Variants in MARF1 observed in about 807,000 individuals in gnomAD.
MARF1 encodes the protein limkain-b1.
A neutral mutation model predicts 168.2 loss-of-function variants in MARF1; 24 were observed. The ratio of observed to expected loss-of-function variants is 0.14; its 90% CI spans 0.10 to 0.20. MARF1 has a LOEUF of 0.20. Ranked by LOEUF, MARF1 falls within the 10% of genes least tolerant of loss-of-function variation. The probability of loss-of-function intolerance (pLI) is 1.00; values close to 1 mark genes in which losing one functional copy is unlikely to be tolerated. For synonymous variants in MARF1, 868 were observed against 822.4 expected (o/e 1.06, Z -0.95); for missense variants, 1,744 against 2,143.6 (o/e 0.81, Z 3.68).
At chr16:15,602,758 G>A (rs1466806987) in intron 22 of MARF1, 3 of 408,680 alleles carry the variant, frequency 7.3e-6, no homozygotes, top group Admixed American at 6.3e-5. Flanking sequence ...GAGACAGTGT[G>A]TGAGTAGGGA....
intron 18 of MARF1, 106 bp from the exon 19 acceptor site, chr16:15,611,214 T>C: frequency 9.1e-7 from 1 of 1,094,142 alleles, no homozygotes; most frequent in Non-Finnish European, 1.3e-6. Flanking sequence ...ATCCCAGCAC[T>C]TTGGGAGGCC....
intron 12 of MARF1, 131 bp from the exon 13 acceptor site, chr16:15,620,662 T>G (rs1203995706): frequency 3.4e-6 from 2 of 596,344 alleles, no homozygotes; most frequent in Non-Finnish European, 2.9e-6. Context: ...TCAGAATGTA[T>G]TTTCCAGAAA....
chr16:15,627,764 T>C (rs761660148), intron 7 of MARF1, among the ~76,000 whole-genome samples: 3 of 152,022 alleles, frequency 2.0e-5, no homozygotes, highest in Non-Finnish European at 4.4e-5. Flanking sequence ...ACAGAAGAAA[T>C]AAAAAGCAAA....
intron 17 of MARF1, 115 bp from the exon 18 acceptor site, chr16:15,611,849 G>A (rs1183091277): frequency 3.0e-5 from 24 of 802,234 alleles, no homozygotes; most frequent in Admixed American, 1.3e-4. Context: ...TATGTAGAAT[G>A]TGTGCAATTT....
At position 15,632,728 on chromosome 16, in the gene MARF1, T is replaced by C. The variant is rs183327766; in HGVS notation, c.1233+889A>G. Among the ~76,000 whole-genome samples the C allele has an allele frequency of 2.0e-3, 301 of 152,288 alleles. 3 individuals are homozygous for C. Among genetic ancestry groups the C allele is most frequent in the Non-Finnish European group, 1.8e-3 (125 of 68,008 alleles). On this transcript the variant is annotated intron_variant, in intron 5 of 26. Transcript: ENST00000396368. ...AACTTGCTGGTTTTTGTAAAGAACATGGGTATATCATTTTAGACAAGCAAT... is the reference window on the plus strand; with the variant it reads ...AACTTGCTGGTTTTTGTAAAGAACACGGGTATATCATTTTAGACAAGCAAT...
chr16:15,602,913 G>A (rs1055711856), intron 22 of MARF1, among the ~76,000 whole-genome samples: 4 of 152,278 alleles, frequency 2.6e-5, no homozygotes, highest in East Asian at 1.9e-4. Flanking sequence ...CACATCAAAA[G>A]CAACAAGAAA....
At chr16:15,604,082 C>G in intron 22 of MARF1, 86 bp downstream of exon 22, 1 of 1,051,290 alleles carries the variant, frequency 9.5e-7, no homozygotes, top group Non-Finnish European at 1.4e-6. Context: ...CAGCTCTACA[C>G]ACTCTAATCT....
At chr16:15,611,967 G>T (rs1000797549) in intron 17 of MARF1, among the ~76,000 whole-genome samples, 7 of 152,180 alleles carry the variant, frequency 4.6e-5, no homozygotes, top group African/African-American at 1.4e-4. Context: ...CCAAACAGTC[G>T]TTGAGTATAA....
chr16:15,614,066 T>C (rs960104008), intron 16 of MARF1, among the ~76,000 whole-genome samples: 5 of 152,234 alleles, frequency 3.3e-5, no homozygotes, highest in African/African-American at 9.7e-5. Context: ...TCCAAATACC[T>C]TGGTCTTTTA....
chr16:15,629,558 G>A (rs888306261), intron 7 of MARF1, among the ~76,000 whole-genome samples: 1 of 152,148 alleles, frequency 6.6e-6, no homozygotes, highest in African/African-American at 2.4e-5. Flanking sequence ...GTAACTCTCA[G>A]TTATTAAATT....
rs753974396 is a variant in MARF1, at chr16:15,601,976, G to A, written c.4626+15C>T. 43 of 1,610,818 alleles carry A rather than the reference G, an allele frequency of 2.7e-5. No individual in the cohort carries two copies. Among genetic ancestry groups the A allele is most frequent in the Middle Eastern group, 1.7e-4 (1 of 6,044 alleles). ...TTCAGAAGATGCTCTCCCGGAAGCTGAGAAAAATGCCCACCTGTGGAATTG... is the reference window on the plus strand; with the variant it reads ...TTCAGAAGATGCTCTCCCGGAAGCTAAGAAAAATGCCCACCTGTGGAATTG... On this transcript the variant is annotated intron_variant, in intron 23 of 26. Coordinates refer to ENST00000396368, the MANE Select transcript of MARF1 (RefSeq NM_014647.4).
chr16:15,612,477 ACT>A, intron 17 of MARF1, 78 bp downstream of exon 17: 1 of 1,241,618 alleles, frequency 8.1e-7, no homozygotes, highest in Non-Finnish European at 1.2e-6. Flanking sequence ...TAGGAATTAA[ACT>A]GTTTCTTTGA....
chr16:15,611,120 C>A lies in MARF1; in HGVS notation c.3618-12G>T. ...CCTTTGAGAAACACCTAGGTTTTAA[C>A]AACGGAAGTGGATACGGAATGAGTA... On this transcript the variant is annotated splice_polypyrimidine_tract_variant and intron_variant, in intron 18 of 26. Coordinates refer to ENST00000396368, the MANE Select transcript of MARF1 (RefSeq NM_014647.4). 6.2e-7 allele frequency: 1 copy of A among 1,612,896 alleles called. No homozygotes were observed. The highest frequency in any genetic ancestry group is 8.5e-7 in the Non-Finnish European group (1 of 1,179,190).
At position 15,604,274 on chromosome 16, in the gene MARF1, T is replaced by C. The variant is rs1333097744; in HGVS notation, c.4307A>G (p.Glu1436Gly). 1.2e-6 allele frequency: 2 copies of C among 1,613,900 alleles called. No homozygotes were observed. The highest frequency in any genetic ancestry group is 2.2e-5 in the South Asian group (2 of 91,072). ...WEGTTHLSVE[E>G]LKRHYESTHN... ...GGTACTTTCGTAATGTCTCTTGAGC[T>C]CCTCAACAGAAAGATGGGTGGTTCC... Residue 1436 changes from glutamate to glycine, a missense_variant, in exon 22 of 27, where the codon GAG (glutamate) becomes GGG (glycine). Coordinates refer to ENST00000396368, the MANE Select transcript of MARF1 (RefSeq NM_014647.4).
chr16:15,608,393 G>A lies in MARF1; in HGVS notation c.4080C>T (p.Leu1360=). The change falls in exon 21 of 27, where the codon CTC becomes CTT. Residue 1360 remains leucine, a synonymous_variant. Coordinates refer to ENST00000396368, the MANE Select transcript of MARF1 (RefSeq NM_014647.4). ...CAAAAGTTTTAGCATATTCTGTAAG[G>A]AGATCTGTCATCATAAGGCAGTTAT... ...QKDNCLMMTD[L]LTEYAKTFGY... 1 of 1,613,942 alleles carries A rather than the reference G, an allele frequency of 6.2e-7. No homozygotes were observed. Among genetic ancestry groups the A allele is most frequent in the Non-Finnish European group, 8.5e-7 (1 of 1,179,900 alleles).
At position 15,612,629 on chromosome 16, in the gene MARF1, C is replaced by T; in HGVS notation, c.3402G>A (p.Lys1134=). ...FIPSYHHHFA[K]QCRVSDYGYS... ...ATCCGTAGTCTGACACTCGGCACTG[C>T]TTTGCAAAATGATGGTGATAGGATG... The change falls in exon 17 of 27, where the codon AAG becomes AAA. Residue 1134 remains lysine, a synonymous_variant. Transcript: ENST00000396368. 6.2e-7 allele frequency: 1 copy of T among 1,614,174 alleles called. No individual in the cohort carries two copies. The highest frequency in any genetic ancestry group is 1.1e-5 in the South Asian group (1 of 91,090).
intron 7 of MARF1, among the ~76,000 whole-genome samples, chr16:15,626,805 C>A (rs1208168794): frequency 6.6e-6 from 1 of 151,318 alleles, no homozygotes; most frequent in Admixed American, 6.6e-5. Context: ...ACTAAAAATA[C>A]AAAAAAAGTT....
At chr16:15,611,372 C>T (rs1164443089) in intron 18 of MARF1, among the ~76,000 whole-genome samples, 1 of 144,014 alleles carries the variant, frequency 6.9e-6, no homozygotes, top group Non-Finnish European at 1.5e-5. Flanking sequence ...GGCAGGACAA[C>T]GGCATAAACC....
At chr16:15,599,496 C>G (rs1448072743) in intron 25 of MARF1, among the ~76,000 whole-genome samples, 1 of 152,202 alleles carries the variant, frequency 6.6e-6, no homozygotes, top group East Asian at 1.9e-4. Flanking sequence ...CTGCTGAAGG[C>G]TGTGGGGCAG....
Sources: gnomAD v4.1 joint callset for allele counts (sites outside exome capture counted in the v4.1 genomes callset) on GRCh38, gnomAD v4.1.1 for gene constraint, MANE v1.5 for transcripts, NCBI Gene and HGNC (gene_info 2026-07-23, HGNC 2026-07-21) for gene names.